The following BMERB1 variants were observed in gnomAD, a reference collection of about 807,000 sequenced individuals.
BMERB1 encodes bMERB domain-containing protein 1.
BMERB1 carries 12 observed loss-of-function variants against 23.6 expected under a neutral mutation model. That is an observed-to-expected ratio of 0.51 (90% CI 0.33 to 0.82). The LOEUF (loss-of-function observed/expected upper bound fraction) is 0.82, where lower values mean the gene tolerates loss of function less well. Among genes scored for constraint, BMERB1 ranks in the 40% least tolerant of loss-of-function variants. BMERB1 has a pLI of 0.03. For synonymous variants in BMERB1, 122 were observed against 96.6 expected, an observed-to-expected ratio of 1.26 and a Z score of -1.54; for missense variants, 247 against 255.4, an observed-to-expected ratio of 0.97 and a Z score of 0.22.
chr16:15,558,769 A>G (rs1353896324), intron 2 of BMERB1, among the ~76,000 whole-genome samples: 2 of 150,122 alleles, frequency 1.3e-5, no homozygotes, highest in Non-Finnish European at 3.0e-5. Flanking sequence ...AAGTTTTAAG[A>G]CCAGCTAGAA....
intron 2 of BMERB1, among the ~76,000 whole-genome samples, chr16:15,557,040 C>G (rs1231137487): frequency 1.3e-5 from 2 of 152,154 alleles, no homozygotes; most frequent in African/African-American, 4.8e-5. Context: ...TTCCATTAGG[C>G]TGCAACTCAA....
chr16:15,445,222 A>G (rs1045667515), intron 1 of BMERB1, among the ~76,000 whole-genome samples: 8 of 152,150 alleles, frequency 5.3e-5, no homozygotes, highest in African/African-American at 1.7e-4. Context: ...GGTTTCTGCA[A>G]CTGTACAACA....
At position 15,587,198 on chromosome 16, in the gene BMERB1, C is replaced by T. The variant is rs186018070; in HGVS notation, c.*369C>T. 369 of 250,442 alleles carry T rather than the reference C, an allele frequency of 1.5e-3. No individual in the cohort carries two copies. The highest frequency in any genetic ancestry group is 9.1e-3 in the East Asian group (81 of 8,946). The allele number at this position is 250,442 out of a possible 1,614,324, so 15.5% of individuals were successfully genotyped here. On this transcript the variant is annotated 3_prime_UTR_variant, in exon 6 of 6. Coordinates refer to ENST00000300006, the MANE Select transcript of BMERB1 (RefSeq NM_033201.3). The stretch of plus-strand genomic sequence containing the variant: ...GGCATGCTCCCCAGCTGTGTGTAGT[C>T]GTGACTTCTCAACAATCTAGCACCA...
chr16:15,500,360 C>T lies in BMERB1; in HGVS notation c.107-14945C>T, dbSNP rs144052136. Among the ~76,000 whole-genome samples, 504 of 152,290 alleles carry T rather than the reference C, an allele frequency of 3.3e-3. 3 individuals are homozygous for T. The highest frequency in any genetic ancestry group is 0.011 in the African/African-American group (462 of 41,568). On this transcript the variant is annotated intron_variant, in intron 1 of 5. Coordinates refer to ENST00000300006, the MANE Select transcript of BMERB1 (RefSeq NM_033201.3). ...GAGGGTCTCGTGTGACCTGTGGCTC[C>T]ACCCAGGTTGAACGTGCTGAGGCCC...
intron 2 of BMERB1, among the ~76,000 whole-genome samples, chr16:15,525,712 AAAAAAAG>A (rs1206305023): frequency 2.6e-5 from 4 of 151,926 alleles, no homozygotes; most frequent in Non-Finnish European, 4.4e-5. Flanking sequence ...CTCAGAAAAA[AAAAAAAG>A]AAAAAAGAAA....
At chr16:15,573,080 A>T (rs2030771182) in intron 3 of BMERB1, among the ~76,000 whole-genome samples, 1 of 152,166 alleles carries the variant, frequency 6.6e-6, no homozygotes, top group African/African-American at 2.4e-5. Context: ...CAGCGTGAAA[A>T]TGGACTAATA....
intron 2 of BMERB1, among the ~76,000 whole-genome samples, chr16:15,526,954 C>CATATTTTATT (rs1184268597): frequency 6.8e-6 from 1 of 146,714 alleles, no homozygotes; most frequent in Non-Finnish European, 1.5e-5. Flanking sequence ...TATAATAAAT[C>CATATTTTATT]ATATTTTATT....
chr16:15,435,926 CT>C lies in BMERB1; in HGVS notation c.106+1176del, dbSNP rs891812480. On this transcript the variant is annotated intron_variant, in intron 1 of 5. Coordinates refer to ENST00000300006, the MANE Select transcript of BMERB1 (RefSeq NM_033201.3). ...TAGCACTGCCAACCTCTTTCCTTTT[CT>C]TTTTTTTTCTCCCTTTTTAACCTTG... Among the ~76,000 whole-genome samples the C allele has an allele frequency of 1.1e-4, 17 of 151,530 alleles. No homozygotes were observed. The East Asian group carries it at 2.3e-3, about 21-fold the overall frequency.
chr16:15,521,436 C>T (rs1200165722), intron 2 of BMERB1, among the ~76,000 whole-genome samples: 1 of 152,196 alleles, frequency 6.6e-6, no homozygotes, highest in South Asian at 2.1e-4. Context: ...TAGGCTTGTG[C>T]TAAGCCCTTT....
intron 1 of BMERB1, among the ~76,000 whole-genome samples, chr16:15,495,322 A>G (rs2051463035): frequency 6.6e-6 from 1 of 151,858 alleles, no homozygotes; most frequent in African/African-American, 2.4e-5. Flanking sequence ...CAGCCTCCCA[A>G]GTAGCTGGGA....
At chr16:15,505,666 G>C (rs1411513108) in intron 1 of BMERB1, among the ~76,000 whole-genome samples, 1 of 152,038 alleles carries the variant, frequency 6.6e-6, no homozygotes, top group African/African-American at 2.4e-5. Context: ...GAGGTGGGTG[G>C]GTCATGAGGT....
intron 1 of BMERB1, among the ~76,000 whole-genome samples, chr16:15,496,747 C>T (rs920565714): frequency 7.2e-5 from 11 of 152,084 alleles, no homozygotes; most frequent in Non-Finnish European, 1.5e-5. Flanking sequence ...ACCATGTTAG[C>T]CAGGATGGTC....
At chr16:15,526,462 G>A (rs973666776) in intron 2 of BMERB1, among the ~76,000 whole-genome samples, 1 of 151,986 alleles carries the variant, frequency 6.6e-6, no homozygotes, top group African/African-American at 2.4e-5. Flanking sequence ...TCAGGAGATT[G>A]AGACCATCCT....
intron 1 of BMERB1, among the ~76,000 whole-genome samples, chr16:15,483,806 C>T (rs1271004971): frequency 1.3e-5 from 2 of 152,156 alleles, no homozygotes; most frequent in Non-Finnish European, 2.9e-5. Flanking sequence ...TATTTACTAC[C>T]TCAAGGGTTG....
At position 15,586,533 on chromosome 16, in the gene BMERB1, GAGGAC is replaced by G. The variant is rs879622005; in HGVS notation, c.503-183_503-179del. On this transcript the variant is annotated intron_variant, in intron 5 of 5. Transcript: ENST00000300006. Reference sequence around the variant, plus strand: ...CCATATAAAATGAGGACTATAAAATGAGGACCAGCTGAGGATCATATGAAATGTGC... The same window carrying G: ...CCATATAAAATGAGGACTATAAAATGCAGCTGAGGATCATATGAAATGTGC... Among the ~76,000 whole-genome samples, 544 of 152,328 alleles carry G rather than the reference GAGGAC, an allele frequency of 3.6e-3. 2 individuals are homozygous for G. Among genetic ancestry groups the G allele is most frequent in the Admixed American group, 0.01 (157 of 15,298 alleles).
At chr16:15,502,883 T>C (rs1040193736) in intron 1 of BMERB1, among the ~76,000 whole-genome samples, 2 of 152,142 alleles carry the variant, frequency 1.3e-5, no homozygotes, top group Non-Finnish European at 2.9e-5. Context: ...GTCTGTGTTC[T>C]TCAAATTTGA....
chr16:15,559,501 C>T (rs549211918), intron 2 of BMERB1, among the ~76,000 whole-genome samples: 1 of 152,340 alleles, frequency 6.6e-6, no homozygotes, highest in African/African-American at 2.4e-5. Flanking sequence ...GTTGCTTAAC[C>T]TCCATGTACT....
At chr16:15,462,361 C>T (rs1030815114) in intron 1 of BMERB1, among the ~76,000 whole-genome samples, 4 of 151,720 alleles carry the variant, frequency 2.6e-5, no homozygotes, top group East Asian at 1.9e-4. Flanking sequence ...ACTATGTTGG[C>T]CAGGCTGGTC....
chr16:15,580,775 G>A (rs1274771507), intron 3 of BMERB1, among the ~76,000 whole-genome samples: 1 of 151,360 alleles, frequency 6.6e-6, no homozygotes, highest in Non-Finnish European at 1.5e-5. Flanking sequence ...TCGATCTCCT[G>A]ACCTCGTGAT....
Sources: allele counts gnomAD v4.1 joint callset (sites outside exome capture counted in the v4.1 genomes callset), GRCh38; gene constraint gnomAD v4.1.1; transcripts MANE v1.5; gene names NCBI Gene and HGNC (gene_info 2026-07-23, HGNC 2026-07-21).